DROSHA: variants seen among roughly 807,000 people sequenced by gnomAD.
The protein encoded by DROSHA is drosha ribonuclease III.
In DROSHA, 56 loss-of-function variants were observed where a neutral mutation model predicts 181.9. The ratio of observed to expected loss-of-function variants is 0.31; its 90% CI spans 0.25 to 0.38. The LOEUF (loss-of-function observed/expected upper bound fraction) is 0.38, where lower values mean the gene tolerates loss of function less well. DROSHA is among the 10% of genes least tolerant of loss of function. DROSHA has a pLI of 1.00. For synonymous variants in DROSHA, 524 were observed against 591.2 expected (o/e 0.89, Z 1.65); for missense variants, 1,218 against 1,743.5 (o/e 0.70, Z 5.37).
intron 16 of DROSHA, among the ~76,000 whole-genome samples, chr5:31,480,090 T>C (rs58178446): frequency 0.013 from 2,012 of 150,592 alleles, 48 homozygotes; most frequent in African/African-American, 0.046. Context: ...AATGGAGCAC[T>C]ATTTCATATA....
rs1740717694 is a variant in DROSHA, at chr5:31,406,841, C to T, written c.3947+12G>A. 2 of 1,609,916 alleles carry T rather than the reference C, an allele frequency of 1.2e-6. No individual in the cohort carries two copies. Among genetic ancestry groups the T allele is most frequent in the Non-Finnish European group, 8.5e-7 (1 of 1,176,740 alleles). ...TTCATTCAAAGCAATTCCAGGTATT[C>T]TCTTCTCATACCTTGGTCCTTTCCC... On this transcript the variant is annotated intron_variant, in intron 34 of 35. Coordinates refer to ENST00000344624, the MANE Select transcript of DROSHA (RefSeq NM_001382508.1).
chr5:31,527,101 C>T (rs574258801), intron 4 of DROSHA, among the ~76,000 whole-genome samples, 189 bp from the exon 5 acceptor site: 67 of 152,212 alleles, frequency 4.4e-4, no homozygotes, highest in African/African-American at 1.5e-3. Flanking sequence ...TCAATAAACT[C>T]CTCTTCCCCT....
intron 5 of DROSHA, 62 bp downstream of exon 5, chr5:31,526,017 A>G: frequency 6.9e-7 from 1 of 1,455,952 alleles, no homozygotes; most frequent in Non-Finnish European, 9.2e-7. Context: ...GTTGTCATAA[A>G]TGGAGAATGA....
chr5:31,405,573 G>A (rs1429737540), intron 35 of DROSHA, 104 bp downstream of exon 35: 2 of 1,034,220 alleles, frequency 1.9e-6, no homozygotes, highest in African/African-American at 3.3e-5. Flanking sequence ...AAGAAAACAA[G>A]ATCACATTTT....
chr5:31,469,441 G>A (rs1403534230), intron 17 of DROSHA, among the ~76,000 whole-genome samples: 2 of 152,016 alleles, frequency 1.3e-5, no homozygotes, highest in Non-Finnish European at 2.9e-5. Context: ...TTCTTGAAAA[G>A]TTGGTCTCTG....
Position 31,495,304 on chromosome 5 carries a change from G to A in DROSHA, c.1737C>T (p.Ser579=), listed in dbSNP as rs1310385509. The A allele has an allele frequency of 1.2e-6, 2 of 1,613,844 alleles. No homozygotes were observed. The highest frequency in any genetic ancestry group is 1.3e-5 in the African/African-American group (1 of 75,040). Residue 579 remains serine (S), a synonymous_variant, in exon 12 of 36, where the codon TCC becomes TCT. Transcript: ENST00000344624. ...AACTTACTAAAAAGTTCGTAGGCGG[G>A]GAGACTGTGATCCGGTAGTGGAAAA... ...GRLFHYRITV[S]PPTNFLTDRP...
chr5:31,490,146 G>T (rs2150041145), intron 13 of DROSHA, among the ~76,000 whole-genome samples: 1 of 151,456 alleles, frequency 6.6e-6, no homozygotes, highest in South Asian at 2.1e-4. Context: ...AAAGTGCTGG[G>T]ATTACAGGTG....
chr5:31,503,898 T>A (rs1737600626), intron 11 of DROSHA, among the ~76,000 whole-genome samples: 1 of 152,192 alleles, frequency 6.6e-6, no homozygotes, highest in Non-Finnish European at 1.5e-5. Context: ...CTCAAACAAG[T>A]TTTAAATAGA....
chr5:31,498,665 C>A (rs1055192964), intron 11 of DROSHA, among the ~76,000 whole-genome samples: 6 of 152,038 alleles, frequency 3.9e-5, no homozygotes, highest in African/African-American at 1.4e-4. Flanking sequence ...CAAGACCAGC[C>A]TGACCAACAT....
chr5:31,519,088 T>G (rs917712790), intron 6 of DROSHA, among the ~76,000 whole-genome samples: 7 of 152,146 alleles, frequency 4.6e-5, no homozygotes, highest in African/African-American at 1.7e-4. Flanking sequence ...ACTGGTAAAT[T>G]TTCCCCCTCA....
intron 20 of DROSHA, among the ~76,000 whole-genome samples, chr5:31,463,921 A>T (rs1748723031): frequency 2.0e-5 from 3 of 152,196 alleles, no homozygotes; most frequent in Admixed American, 2.0e-4. Context: ...CATGTGCTGC[A>T]AACAGGCAGA....
intron 23 of DROSHA, among the ~76,000 whole-genome samples, chr5:31,443,278 A>G (rs959321818): frequency 1.7e-4 from 26 of 151,960 alleles, no homozygotes; most frequent in African/African-American, 6.0e-4. Context: ...TCGGCCTCCC[A>G]AAGTGCTGGG....
rs539992611 is a variant in DROSHA, at chr5:31,441,207, C to CA, written c.2883-3910dup. Among the ~76,000 whole-genome samples the CA allele has an allele frequency of 7.3e-5, 11 of 151,664 alleles. No homozygotes were observed. The South Asian group carries it at 2.3e-3, about 32-fold the overall frequency. ...TGGGAGACAGCTTAGGCCAGACGTT[C>CA]AAGACCAGCCTAGGCAACAAAGTAA... On this transcript the variant is annotated intron_variant, in intron 23 of 35. Coordinates refer to ENST00000344624, the MANE Select transcript of DROSHA (RefSeq NM_001382508.1).
chr5:31,448,396 G>C, intron 23 of DROSHA, 151 bp downstream of exon 23: 2 of 641,698 alleles, frequency 3.1e-6, no homozygotes, highest in Non-Finnish European at 5.4e-6. Context: ...TCTCTTTGGG[G>C]TAATGTCAAT....
intron 5 of DROSHA, among the ~76,000 whole-genome samples, chr5:31,522,394 G>GA (rs1231663623): frequency 6.6e-6 from 1 of 151,834 alleles, no homozygotes; most frequent in Non-Finnish European, 1.5e-5. Flanking sequence ...CACGGCTGTT[G>GA]AAAAAAATAA....
intron 23 of DROSHA, among the ~76,000 whole-genome samples, chr5:31,442,933 T>A (rs1487308859): frequency 6.6e-6 from 1 of 152,066 alleles, no homozygotes; most frequent in Non-Finnish European, 1.5e-5. Context: ...TTTACATATA[T>A]TTAATATATA....
intron 16 of DROSHA, among the ~76,000 whole-genome samples, chr5:31,481,050 TA>T (rs10711753): frequency 0.48 from 72,595 of 151,096 alleles, 21,089 homozygotes; most frequent in Non-Finnish European, 0.65. Flanking sequence ...GACAACTACG[TA>T]AAAAAAACCC....
At chr5:31,497,911 G>T (rs528778021) in intron 11 of DROSHA, among the ~76,000 whole-genome samples, 1 of 152,194 alleles carries the variant, frequency 6.6e-6, no homozygotes, top group Non-Finnish European at 1.5e-5. Context: ...GCAGACGCAG[G>T]CCAGATATAG....
intron 18 of DROSHA, 69 bp from the exon 19 acceptor site, chr5:31,466,350 ATTT>A: frequency 7.8e-7 from 1 of 1,279,782 alleles, no homozygotes; most frequent in Non-Finnish European, 1.1e-6. Context: ...AAAACCAGTT[ATTT>A]TAAGAGGCCT....
Sources: allele counts gnomAD v4.1 joint callset (sites outside exome capture counted in the v4.1 genomes callset), GRCh38; gene constraint gnomAD v4.1.1; transcripts MANE v1.5; gene names NCBI Gene and HGNC (gene_info 2026-07-23, HGNC 2026-07-21).